The following SEMA5A variants were observed in gnomAD, a reference collection of about 807,000 sequenced individuals.
SEMA5A encodes the protein semaphorin-5A.
SEMA5A carries 55 observed loss-of-function variants against 135.5 expected under a neutral mutation model. That is an observed-to-expected ratio of 0.41 (90% CI 0.33 to 0.51). SEMA5A has a LOEUF of 0.51. Among genes scored for constraint, SEMA5A ranks in the 20% least tolerant of loss-of-function variants. The pLI, the probability that SEMA5A is intolerant of heterozygous loss-of-function variation, is 0.37. For synonymous variants in SEMA5A, 580 were observed against 546.5 expected, an observed-to-expected ratio of 1.06 and a Z score of -0.85; for missense variants, 1,290 against 1,419.9, an observed-to-expected ratio of 0.91 and a Z score of 1.47.
intron 17 of SEMA5A, among the ~76,000 whole-genome samples, chr5:9,063,573 A>C (rs1186938645): frequency 6.6e-6 from 1 of 152,198 alleles, no homozygotes; most frequent in African/African-American, 2.4e-5. Context: ...TTAACCTTTC[A>C]AAGGTGAATT....
intron 3 of SEMA5A, among the ~76,000 whole-genome samples, chr5:9,359,269 T>G (rs1421026365): frequency 6.6e-6 from 1 of 152,208 alleles, no homozygotes; most frequent in Non-Finnish European, 1.5e-5. Flanking sequence ...GTTAATTAAA[T>G]TCCTTAGTTT....
chr5:9,418,374 G>T (rs980022803), intron 2 of SEMA5A, among the ~76,000 whole-genome samples: 6 of 152,124 alleles, frequency 3.9e-5, no homozygotes, highest in Non-Finnish European at 7.4e-5. Context: ...CTATCAAACT[G>T]GGTGTTAGGA....
rs370694208 is a variant in SEMA5A, at chr5:9,211,480, G to T, written c.647-9240C>A. On this transcript the variant is annotated intron_variant, in intron 8 of 22. Coordinates refer to ENST00000382496, the MANE Select transcript of SEMA5A (RefSeq NM_003966.3). ...CTTGTCAGTCGAGAGAGCACCTCTT[G>T]CAGACCAGTCACACCTCCAGGTACT... Among the ~76,000 whole-genome samples, 11 of 152,224 alleles carry T rather than the reference G, an allele frequency of 7.2e-5. No homozygotes were observed. In the East Asian group the frequency reaches 2.1e-3, roughly 30 times the overall value.
intron 16 of SEMA5A, among the ~76,000 whole-genome samples, chr5:9,099,795 T>G (rs1313228375): frequency 6.6e-6 from 1 of 152,182 alleles, no homozygotes. Flanking sequence ...TTTGGGGAGA[T>G]GAGCCCCTTG....
At chr5:9,225,581 A>AAC (rs1030230379) in intron 7 of SEMA5A, among the ~76,000 whole-genome samples, 9 of 151,548 alleles carry the variant, frequency 5.9e-5, no homozygotes, top group African/African-American at 1.9e-4. Flanking sequence ...AAAAAAAAAA[A>AAC]AAAAATTATG....
intron 8 of SEMA5A, among the ~76,000 whole-genome samples, chr5:9,208,056 A>T (rs2150381297): frequency 6.6e-6 from 1 of 152,344 alleles, no homozygotes. Context: ...ATTATTTACC[A>T]GTATATTTTC....
intron 5 of SEMA5A, among the ~76,000 whole-genome samples, chr5:9,267,554 T>C (rs1252942243): frequency 6.6e-6 from 1 of 152,168 alleles, no homozygotes; most frequent in Non-Finnish European, 1.5e-5. Context: ...GACCCTGAAA[T>C]CTTCCTCCTG....
intron 1 of SEMA5A, among the ~76,000 whole-genome samples, chr5:9,457,463 C>T (rs1177559421): frequency 6.6e-6 from 1 of 152,186 alleles, no homozygotes; most frequent in Non-Finnish European, 1.5e-5. Context: ...AAGTTCCTCA[C>T]TCAAAATTGC....
intron 3 of SEMA5A, among the ~76,000 whole-genome samples, chr5:9,369,653 A>G (rs1317222230): frequency 1.3e-5 from 2 of 152,102 alleles, no homozygotes; most frequent in African/African-American, 4.8e-5. Context: ...GACAATATAT[A>G]TGTATATGTG....
intron 5 of SEMA5A, among the ~76,000 whole-genome samples, chr5:9,250,759 TAAA>T (rs1216944327): frequency 6.6e-6 from 1 of 152,102 alleles, no homozygotes; most frequent in South Asian, 2.1e-4. Flanking sequence ...AAATAAGATA[TAAA>T]AAATTACACA....
intron 5 of SEMA5A, among the ~76,000 whole-genome samples, chr5:9,299,840 G>C (rs1751523266): frequency 6.6e-6 from 1 of 152,140 alleles, no homozygotes; most frequent in Admixed American, 6.5e-5. Context: ...CTCCTTCCCT[G>C]ATGGGGCCAG....
intron 5 of SEMA5A, among the ~76,000 whole-genome samples, chr5:9,315,399 A>C (rs1017327004): frequency 6.6e-6 from 1 of 152,202 alleles, no homozygotes; most frequent in African/African-American, 2.4e-5. Context: ...AAAATCAACA[A>C]ATTAATATTA....
At position 9,039,824 on chromosome 5, in the gene SEMA5A, G is replaced by A. The variant is rs1422527752; in HGVS notation, c.*3073C>T. Reference sequence around the variant, plus strand: ...TTCACCAAAGCTACATGTCCCTGGAGCTACAGGAAGCCCACATGTTGTGTA... The same window carrying A: ...TTCACCAAAGCTACATGTCCCTGGAACTACAGGAAGCCCACATGTTGTGTA... On this transcript the variant is annotated 3_prime_UTR_variant, in exon 23 of 23. Coordinates refer to ENST00000382496, the MANE Select transcript of SEMA5A (RefSeq NM_003966.3). 6.6e-6 allele frequency: 1 copy of A among 152,228 alleles called. No individual in the cohort carries two copies. Among genetic ancestry groups the A allele is most frequent in the Non-Finnish European group, 1.5e-5 (1 of 68,076 alleles). The allele number at this position is 152,228 out of a possible 1,614,324, so 9.4% of individuals were successfully genotyped here. A position where few individuals can be genotyped will look rare whatever the true frequency, so the allele number is the denominator to read the frequency against.
At chr5:9,167,167 A>G (rs1743654731) in intron 11 of SEMA5A, among the ~76,000 whole-genome samples, 1 of 152,242 alleles carries the variant, frequency 6.6e-6, no homozygotes, top group South Asian at 2.1e-4. Context: ...TGGCTACATT[A>G]CACCAATTAC....
At chr5:9,302,115 C>T (rs1179572519) in intron 5 of SEMA5A, among the ~76,000 whole-genome samples, 1 of 152,168 alleles carries the variant, frequency 6.6e-6, no homozygotes, top group Non-Finnish European at 1.5e-5. Context: ...TCTTCTTCTG[C>T]ATCTCTCTTC....
intron 1 of SEMA5A, among the ~76,000 whole-genome samples, chr5:9,516,248 G>T (rs548508857): frequency 6.6e-6 from 1 of 151,732 alleles, no homozygotes; most frequent in South Asian, 2.1e-4. Flanking sequence ...ACACAGATAC[G>T]CAAACACCAC....
At chr5:9,232,098 G>C (rs935001703) in intron 6 of SEMA5A, among the ~76,000 whole-genome samples, 11 of 152,212 alleles carry the variant, frequency 7.2e-5, no homozygotes, top group African/African-American at 2.7e-4. Flanking sequence ...TGGTCTCAAG[G>C]ACACAAGGCC....
At chr5:9,438,786 A>G (rs1423493992) in intron 1 of SEMA5A, among the ~76,000 whole-genome samples, 1 of 152,226 alleles carries the variant, frequency 6.6e-6, no homozygotes, top group Non-Finnish European at 1.5e-5. Context: ...AACTTCCCAG[A>G]ACATTCTGGC....
At chr5:9,133,119 T>C (rs772411189) in intron 13 of SEMA5A, among the ~76,000 whole-genome samples, 17 of 152,246 alleles carry the variant, frequency 1.1e-4, no homozygotes, top group Non-Finnish European at 2.4e-4. Flanking sequence ...AATGATTATA[T>C]ATGATAGATT....
Sources: allele counts gnomAD v4.1 joint callset (sites outside exome capture counted in the v4.1 genomes callset), GRCh38; gene constraint gnomAD v4.1.1; transcripts MANE v1.5; gene names NCBI Gene and HGNC (gene_info 2026-07-23, HGNC 2026-07-21).